Variants in LDLRAD4 observed in about 807,000 individuals in gnomAD.
The protein encoded by LDLRAD4 is low density lipoprotein receptor class A domain containing 4, also known as low-density lipoprotein receptor class A domain-containing protein 4.
In LDLRAD4, 5 loss-of-function variants were observed where a neutral mutation model predicts 17.0. That is an observed-to-expected ratio of 0.29 (90% confidence interval 0.15 to 0.62). The LOEUF (loss-of-function observed/expected upper bound fraction) is 0.62. Among genes scored for constraint, LDLRAD4 ranks in the 20% least tolerant of loss-of-function variants. LDLRAD4 has a pLI of 0.84. For synonymous variants in LDLRAD4, 168 were observed against 171.8 expected, an observed-to-expected ratio of 0.98 and a Z score of 0.17; for missense variants, 340 against 424.7, an observed-to-expected ratio of 0.80 and a Z score of 1.75.
At chr18:13,434,749 C>T (rs2090548640) in intron 2 of LDLRAD4, among the ~76,000 whole-genome samples, 1 of 152,186 alleles carries the variant, frequency 6.6e-6, no homozygotes, top group South Asian at 2.1e-4. Context: ...TATCCAAATA[C>T]CTGCTTATTT....
At chr18:13,598,511 G>T (rs984374003) in intron 3 of LDLRAD4, among the ~76,000 whole-genome samples, 1 of 152,200 alleles carries the variant, frequency 6.6e-6, no homozygotes, top group African/African-American at 2.4e-5. Flanking sequence ...GGTCATTTTT[G>T]ATCTAGCCTT....
At chr18:13,524,758 C>T (rs1340206715) in intron 3 of LDLRAD4, among the ~76,000 whole-genome samples, 1 of 152,230 alleles carries the variant, frequency 6.6e-6, no homozygotes, top group Non-Finnish European at 1.5e-5. Context: ...GGAGATGTGG[C>T]TTCATGCAGG....
At chr18:13,267,590 A>G (rs969225927) in intron 1 of LDLRAD4, among the ~76,000 whole-genome samples, 12 of 152,364 alleles carry the variant, frequency 7.9e-5, no homozygotes, top group Middle Eastern at 3.4e-3. Context: ...GCTCAGATCC[A>G]GCTCCTGCTG....
At chr18:13,588,367 T>A in intron 3 of LDLRAD4, among the ~76,000 whole-genome samples, 1 of 152,228 alleles carries the variant, frequency 6.6e-6, no homozygotes, top group East Asian at 1.9e-4. Context: ...CAGAGATTTA[T>A]ACATAACATA....
intron 3 of LDLRAD4, among the ~76,000 whole-genome samples, chr18:13,441,071 AGGT>A (rs1277470622): frequency 1.3e-5 from 2 of 152,210 alleles, no homozygotes; most frequent in African/African-American, 4.8e-5. Context: ...GCTCCGGGGC[AGGT>A]GGTGGTTTCT....
chr18:13,388,743 C>T (rs1378744107), intron 2 of LDLRAD4, among the ~76,000 whole-genome samples: 1 of 152,220 alleles, frequency 6.6e-6, no homozygotes, highest in Non-Finnish European at 1.5e-5. Flanking sequence ...GTCGCCGTGG[C>T]TTCGGCGTGA....
At chr18:13,377,163 C>G (rs1223495689) in intron 1 of LDLRAD4, among the ~76,000 whole-genome samples, 2 of 152,244 alleles carry the variant, frequency 1.3e-5, no homozygotes, top group Non-Finnish European at 2.9e-5. Flanking sequence ...GCTCCTCTGT[C>G]ACACTCTTGG....
At chr18:13,566,679 A>G (rs773862614) in intron 3 of LDLRAD4, among the ~76,000 whole-genome samples, 3 of 152,146 alleles carry the variant, frequency 2.0e-5, no homozygotes, top group African/African-American at 4.8e-5. Flanking sequence ...GCCTTATATT[A>G]AATGACAGCA....
chr18:13,478,354 C>CG (rs1012313079), intron 3 of LDLRAD4, among the ~76,000 whole-genome samples: 1 of 152,188 alleles, frequency 6.6e-6, no homozygotes, highest in Non-Finnish European at 1.5e-5. Context: ...GGTATTTTCC[C>CG]GTTGTCCCAA....
chr18:13,478,886 G>T (rs908669739), intron 3 of LDLRAD4, among the ~76,000 whole-genome samples: 15 of 152,214 alleles, frequency 9.9e-5, no homozygotes, highest in Admixed American at 9.2e-4. Flanking sequence ...TTACCATAAA[G>T]CTACAGGCAT....
At chr18:13,321,876 A>T (rs1220985952) in intron 1 of LDLRAD4, among the ~76,000 whole-genome samples, 1 of 28,480 alleles carries the variant, frequency 3.5e-5, no homozygotes, top group Non-Finnish European at 7.0e-5. Context: ...AAAAAAAAAA[A>T]AAAAAAAAAA....
chr18:13,227,477 G>A (rs1324282603), intron 1 of LDLRAD4, among the ~76,000 whole-genome samples: 32 of 152,166 alleles, frequency 2.1e-4, no homozygotes. Flanking sequence ...CCTGCTCTTT[G>A]GTGTATGCTG....
At chr18:13,591,299 T>G (rs1055503432) in intron 3 of LDLRAD4, among the ~76,000 whole-genome samples, 8 of 152,228 alleles carry the variant, frequency 5.3e-5, no homozygotes, top group Admixed American at 1.3e-4. Context: ...GAGTTTCATA[T>G]TTAATATCAC....
chr18:13,324,559 G>A (rs1445899169), intron 1 of LDLRAD4, among the ~76,000 whole-genome samples: 1 of 152,164 alleles, frequency 6.6e-6, no homozygotes, highest in East Asian at 1.9e-4. Flanking sequence ...CGGCCTGTGG[G>A]TTTATTAGCT....
At chr18:13,388,809 C>T (rs1236566775) in intron 2 of LDLRAD4, among the ~76,000 whole-genome samples, 1 of 152,256 alleles carries the variant, frequency 6.6e-6, no homozygotes, top group Non-Finnish European at 1.5e-5. Flanking sequence ...GACGGGTCTT[C>T]CCAACCTCGG....
At chr18:13,272,000 A>T (rs1332176565) in intron 1 of LDLRAD4, among the ~76,000 whole-genome samples, 1 of 146,538 alleles carries the variant, frequency 6.8e-6, no homozygotes, top group African/African-American at 2.5e-5. Flanking sequence ...AGTTCAAGTG[A>T]TTCTCCTGCC....
At position 13,380,522 on chromosome 18, in the gene LDLRAD4, G is replaced by GA. The variant is rs2085275707; in HGVS notation, c.-382-6818dup. ...CACAAAGCACAGGGGTCGGATATATGACTCCTTGCGGCTTCCTCTGCTGCT... is the reference window on the plus strand; with the variant it reads ...CACAAAGCACAGGGGTCGGATATATGAACTCCTTGCGGCTTCCTCTGCTGCT... On this transcript the variant is annotated intron_variant, in intron 1 of 5. Transcript: ENST00000359446. Among the ~76,000 whole-genome samples the GA allele has an allele frequency of 3.3e-5, 5 of 152,270 alleles. No individual in the cohort carries two copies. In the South Asian group the frequency reaches 1.0e-3, roughly 32 times the overall value.
intron 2 of LDLRAD4, among the ~76,000 whole-genome samples, chr18:13,399,404 G>A (rs974121767): frequency 6.6e-6 from 1 of 152,152 alleles, no homozygotes; most frequent in African/African-American, 2.4e-5. Context: ...ATAACAATAG[G>A]TACTTTAGAG....
intron 2 of LDLRAD4, among the ~76,000 whole-genome samples, chr18:13,430,227 A>G (rs957124848): frequency 2.0e-5 from 3 of 152,210 alleles, no homozygotes; most frequent in Non-Finnish European, 4.4e-5. Context: ...CCAGGTGGAT[A>G]TGGTCCTCAT....
Sources: gnomAD v4.1 joint callset for allele counts (sites outside exome capture counted in the v4.1 genomes callset) on GRCh38, gnomAD v4.1.1 for gene constraint, MANE v1.5 for transcripts, NCBI Gene and HGNC (gene_info 2026-07-23, HGNC 2026-07-21) for gene names.